SMAD6: variants seen among roughly 807,000 people sequenced by gnomAD.
SMAD6 encodes SMAD family member 6.
A neutral mutation model predicts 39.4 loss-of-function variants in SMAD6; 103 were observed. The observed-to-expected ratio is 2.62, with a 90% CI of 2.23 to 3.08. The LOEUF (loss-of-function observed/expected upper bound fraction) is 3.08. Among genes scored for constraint, SMAD6 ranks in the 30% most tolerant of loss-of-function variants. SMAD6 has a pLI of 0.00. For missense variants in SMAD6, 1,104 were observed against 742.9 expected, an observed-to-expected ratio of 1.49 and a Z score of -5.65; for synonymous variants, 445 against 353.3, an observed-to-expected ratio of 1.26 and a Z score of -2.91.
rs552831637 is a variant in SMAD6, at chr15:66,704,178, C to T, written c.817+103C>T. 85 of 948,986 alleles carry T rather than the reference C, an allele frequency of 9.0e-5. No homozygotes were observed. The African/African-American group carries it at 1.2e-3, about 13-fold the overall frequency. The allele number at this position is 948,986 out of a possible 1,614,324, so 58.8% of individuals were successfully genotyped here. On this transcript the variant is annotated intron_variant, in intron 1 of 3. Coordinates refer to ENST00000288840, the MANE Select transcript of SMAD6 (RefSeq NM_005585.5). ...GCGGGTCGGCGCAGCTGCGGGTGCT[C>T]CCCCGGGTGCCCTTGGAGCGTGGGA...
intron 2 of SMAD6, among the ~76,000 whole-genome samples, chr15:66,713,519 C>T (rs1445901974): frequency 6.6e-6 from 1 of 152,138 alleles, no homozygotes; most frequent in African/African-American, 2.4e-5. Flanking sequence ...GGAGTTTTAC[C>T]ATATTGGCCA....
intron 3 of SMAD6, chr15:66,717,095 A>G (rs1173643218): frequency 7.8e-7 from 1 of 1,288,852 alleles, no homozygotes; most frequent in Non-Finnish European, 1.0e-6. Flanking sequence ...AGGGACCCCT[A>G]CATCCGGAGG....
chr15:66,716,341 T>C (rs1217509874), intron 2 of SMAD6, 80 bp from the exon 3 acceptor site: 6 of 995,924 alleles, frequency 6.0e-6, no homozygotes, highest in Admixed American at 3.4e-5. Flanking sequence ...CGTGCACATG[T>C]ACAGAGATGC....
chr15:66,743,521 G>T (rs1440373), intron 3 of SMAD6, among the ~76,000 whole-genome samples: 1 of 151,716 alleles, frequency 6.6e-6, no homozygotes, highest in Non-Finnish European at 1.5e-5. Context: ...TGTTCATCCA[G>T]CCAGTTAGTG....
intron 3 of SMAD6, among the ~76,000 whole-genome samples, chr15:66,732,607 C>G (rs1893649296): frequency 2.0e-5 from 3 of 152,180 alleles, no homozygotes; most frequent in African/African-American, 7.2e-5. Context: ...GATGATCCTC[C>G]TGTCTTGGCC....
chr15:66,741,299 T>C (rs1482088522), intron 3 of SMAD6: 2 of 152,112 alleles, frequency 1.3e-5, no homozygotes, highest in African/African-American at 2.4e-5. Flanking sequence ...ATTGGGCTAC[T>C]ATACCCCATT....
chr15:66,760,436 C>T (rs1894178270), intron 3 of SMAD6, among the ~76,000 whole-genome samples: 1 of 152,236 alleles, frequency 6.6e-6, no homozygotes, highest in Non-Finnish European at 1.5e-5. Flanking sequence ...AAATTAAGAA[C>T]ATCTATGTTG....
chr15:66,743,007 C>T (rs1371636062), intron 3 of SMAD6, among the ~76,000 whole-genome samples: 3 of 152,136 alleles, frequency 2.0e-5, no homozygotes, highest in East Asian at 1.9e-4. Flanking sequence ...ACCGTGTGAC[C>T]GTTCCCTCTG....
At chr15:66,773,491 G>C (rs763203254) in intron 3 of SMAD6, among the ~76,000 whole-genome samples, 2 of 152,182 alleles carry the variant, frequency 1.3e-5, no homozygotes, top group Non-Finnish European at 2.9e-5. Flanking sequence ...TGACAAAGGA[G>C]AGTTAAGTGG....
rs1193964004 is a variant in SMAD6 at position 66,703,184 on chromosome 15, G to C, written c.-75G>C. The C allele has an allele frequency of 1.7e-6, 2 of 1,146,686 alleles. No homozygotes were observed. Among genetic ancestry groups the C allele is most frequent in the African/African-American group, 3.3e-5 (2 of 61,412 alleles). The allele number at this position is 1,146,686 out of a possible 1,614,324, so 71.0% of individuals were successfully genotyped here. A position where few individuals can be genotyped will look rare whatever the true frequency, so the allele number is the denominator to read the frequency against. On this transcript the variant is annotated 5_prime_UTR_variant, in exon 1 of 4. Transcript: ENST00000288840. ...TGTGGGGCTGCGACCCGCGCAGCCG[G>C]CGCCTCGCTGAGGGAACGGACCCCC...
At chr15:66,735,507 T>C (rs1893697888) in intron 3 of SMAD6, among the ~76,000 whole-genome samples, 1 of 152,124 alleles carries the variant, frequency 6.6e-6, no homozygotes, top group South Asian at 2.1e-4. Context: ...TTGATAACTG[T>C]TGAATCTGGG....
chr15:66,703,330 AGGCGGCAGC>A lies in SMAD6; in HGVS notation c.79_87del (p.Ser27_Gly29del). On this transcript the variant is annotated inframe_deletion, in exon 1 of 4. Coordinates refer to ENST00000288840, the MANE Select transcript of SMAD6 (RefSeq NM_005585.5). ...GTCGTGTGGTCCCCGACCGGGAGGAAGGCGGCAGCGGCGGCGGCGGTGGCGGCGACGAGG... is the reference window on the plus strand; with the variant it reads ...GTCGTGTGGTCCCCGACCGGGAGGAAGGCGGCGGCGGTGGCGGCGACGAGG... The A allele has an allele frequency of 5.4e-6, 8 of 1,487,162 alleles. No individual in the cohort carries two copies. The highest frequency in any genetic ancestry group is 7.2e-6 in the Non-Finnish European group (8 of 1,118,028). 92.1% of individuals were successfully genotyped at this position (1,487,162 alleles called of 1,614,324 possible).
chr15:66,729,620 A>G (rs1456313823), intron 3 of SMAD6, among the ~76,000 whole-genome samples: 1 of 152,124 alleles, frequency 6.6e-6, no homozygotes, highest in Non-Finnish European at 1.5e-5. Context: ...GGCCCCTCTG[A>G]CAGCGTGGAC....
rs181516467 is a variant in SMAD6, at chr15:66,715,073, T to C, written c.875-1348T>C. Among the ~76,000 whole-genome samples, 817 of 151,590 alleles carry C rather than the reference T, an allele frequency of 5.4e-3. 6 individuals are homozygous for C. Among genetic ancestry groups the C allele is most frequent in the African/African-American group, 0.019 (789 of 41,246 alleles). ...TTAAAGATTTTTCTGTGTGTACTTA[T>C]TTTTCTCCTAACATATTTTTCCAGC... On this transcript the variant is annotated intron_variant, in intron 2 of 3. Transcript: ENST00000288840.
chr15:66,781,278 G>T lies in SMAD6; in HGVS notation c.1234G>T (p.Val412Phe), dbSNP rs1167965126. The T allele has an allele frequency of 1.2e-6, 2 of 1,607,126 alleles. No homozygotes were observed. The highest frequency in any genetic ancestry group is 1.1e-5 in the South Asian group (1 of 91,014). Residue 412 changes from valine to phenylalanine, a missense_variant, in exon 4 of 4, where the codon GTC becomes TTC. By Grantham distance (50) the Val-to-Phe change is conservative. Transcript: ENST00000288840. Reference sequence around the variant, plus strand: ...CAACCGCGGCGAGCACCCCATCTTCGTCAACTCCCCGACGCTGGACGCGCC... The same window carrying T: ...CAACCGCGGCGAGCACCCCATCTTCTTCAACTCCCCGACGCTGGACGCGCC... ...AYNRGEHPIF[V>F]NSPTLDAPGG...
At chr15:66,749,942 T>C (rs73471534) in intron 3 of SMAD6, among the ~76,000 whole-genome samples, 2,041 of 152,152 alleles carry the variant, frequency 0.013, 46 homozygotes, top group African/African-American at 0.047. Context: ...AAAGGGAAAA[T>C]CATGTGTCCT....
chr15:66,731,924 C>T (rs1195033993), intron 3 of SMAD6, among the ~76,000 whole-genome samples: 5 of 148,892 alleles, frequency 3.4e-5, no homozygotes, highest in African/African-American at 9.9e-5. Flanking sequence ...TAATCATAAG[C>T]GGTAGTATCT....
chr15:66,725,211 G>C (rs1171659108), intron 3 of SMAD6, among the ~76,000 whole-genome samples: 1 of 152,182 alleles, frequency 6.6e-6, no homozygotes, highest in African/African-American at 2.4e-5. Context: ...TGGCTGCCAA[G>C]GGAAGCAGAG....
chr15:66,759,632 A>C (rs1894164708), intron 3 of SMAD6, among the ~76,000 whole-genome samples: 1 of 152,004 alleles, frequency 6.6e-6, no homozygotes, highest in African/African-American at 2.4e-5. Flanking sequence ...ATCTTCGTTT[A>C]CTCCTTTTAT....
Sources: allele counts gnomAD v4.1 joint callset (sites outside exome capture counted in the v4.1 genomes callset), GRCh38; gene constraint gnomAD v4.1.1; transcripts MANE v1.5; gene names NCBI Gene and HGNC (gene_info 2026-07-23, HGNC 2026-07-21).